TRAPPC9: variants seen among roughly 807,000 people sequenced by gnomAD.
TRAPPC9 encodes the protein trafficking protein particle complex subunit 9, also known as IKK2 binding protein.
A neutral mutation model predicts 124.0 loss-of-function variants in TRAPPC9; 83 were observed. That is an observed-to-expected ratio of 0.67 (90% CI 0.56 to 0.80). TRAPPC9 has a LOEUF of 0.80. TRAPPC9 is among the 30% of genes least tolerant of loss of function. The probability of loss-of-function intolerance (pLI) is 0.00; values close to 1 mark genes in which losing one functional copy is unlikely to be tolerated. For missense variants in TRAPPC9, 1,302 were observed against 1,508.3 expected (o/e 0.86, Z 2.27); for synonymous variants, 638 against 617.5 (o/e 1.03, Z -0.49).
At chr8:140,372,203 G>A (rs552925419) in intron 7 of TRAPPC9, among the ~76,000 whole-genome samples, 8 of 152,322 alleles carry the variant, frequency 5.3e-5, no homozygotes, top group South Asian at 2.1e-4. Flanking sequence ...ACTGCACAGC[G>A]CCTTCAGAGA....
intron 9 of TRAPPC9, among the ~76,000 whole-genome samples, chr8:140,329,015 G>A (rs138759375): frequency 6.6e-6 from 1 of 152,120 alleles, no homozygotes. Flanking sequence ...CTAAAGCACC[G>A]GAGGGTGGAG....
At position 139,910,257 on chromosome 8, in the gene TRAPPC9, C is replaced by A. The variant is rs766614772; in HGVS notation, c.2854G>T (p.Glu952Ter). ...AATTGCCCCTTCTCCCCAGGGGACT[C>A]CGGGAAACTCTCAAAGTTGAACTTG... is the stretch of plus-strand genomic sequence containing the variant. ...VDKFNFESFP[E>*]SPGEKGQFAN... Residue 952 changes from glutamate (E) to a stop codon, truncating the protein, a stop_gained, in exon 20 of 23, where the codon GAG becomes TAG. Coordinates refer to ENST00000438773, the MANE Select transcript of TRAPPC9 (RefSeq NM_001160372.4). LOFTEE classifies it high-confidence loss of function. The A allele has an allele frequency of 1.7e-5, 27 of 1,614,046 alleles. No individual in the cohort carries two copies. Among genetic ancestry groups the A allele is most frequent in the Non-Finnish European group, 2.1e-5 (25 of 1,180,042 alleles).
At chr8:140,452,119 T>C (rs1489892970) in intron 1 of TRAPPC9, among the ~76,000 whole-genome samples, 12 of 126,270 alleles carry the variant, frequency 9.5e-5, no homozygotes, top group African/African-American at 3.4e-4. Flanking sequence ...AGACTCCGTC[T>C]CAAAAAAAAA....
rs1177684427 is a variant in TRAPPC9, at chr8:140,241,520, C to A, written c.2431+11257G>T. Reference sequence around the variant, plus strand: ...GACTATCCTGGCCAACATGGTGAAACCCTGTCTCTACTAAAAATACAAAAA... The same window carrying A: ...GACTATCCTGGCCAACATGGTGAAAACCTGTCTCTACTAAAAATACAAAAA... On this transcript the variant is annotated intron_variant, in intron 16 of 22. Coordinates refer to ENST00000438773, the MANE Select transcript of TRAPPC9 (RefSeq NM_001160372.4). This position sits in a 1 kb window ranked among gnomAD's most constrained non-coding sequence, Gnocchi z 5.0. 6.6e-6 allele frequency among the ~76,000 whole-genome samples: 1 copy of A among 151,924 alleles called. No homozygotes were observed. Among genetic ancestry groups the A allele is most frequent in the East Asian group, 1.9e-4 (1 of 5,164 alleles).
Position 140,450,912 on chromosome 8 carries a change from T to G in TRAPPC9, c.462A>C (p.Ser154=). ...GCTTGGACTCCAGCACGATGAACAG[T>G]GACTCGATGAAGTCCTCGATTCTCT... The part of the protein sequence containing the change: ...VEKRIEDFIE[S]LFIVLESKRL... The change falls in exon 2 of 23, where the codon TCA becomes TCC. Residue 154 remains serine (S), a synonymous_variant. Coordinates refer to ENST00000438773, the MANE Select transcript of TRAPPC9 (RefSeq NM_001160372.4). 6.2e-7 allele frequency: 1 copy of G among 1,614,176 alleles called. No individual in the cohort carries two copies. The highest frequency in any genetic ancestry group is 8.5e-7 in the Non-Finnish European group (1 of 1,180,038).
At chr8:140,433,317 G>A (rs895933071) in intron 4 of TRAPPC9, among the ~76,000 whole-genome samples, 3 of 148,132 alleles carry the variant, frequency 2.0e-5, no homozygotes, top group East Asian at 2.0e-4. Flanking sequence ...GGCCAGGAGC[G>A]GTGGCTCACA....
At chr8:139,948,287 A>G (rs931595551) in intron 19 of TRAPPC9, among the ~76,000 whole-genome samples, 14 of 116,888 alleles carry the variant, frequency 1.2e-4, no homozygotes, top group Non-Finnish European at 2.6e-4. Context: ...ACACACACAC[A>G]CACACACACT....
chr8:140,156,805 G>T (rs1245557841), intron 17 of TRAPPC9, among the ~76,000 whole-genome samples: 1 of 152,222 alleles, frequency 6.6e-6, no homozygotes, highest in African/African-American at 2.4e-5. Context: ...CAGAGAAGAT[G>T]CTAAAATAAA....
chr8:139,982,306 C>A (rs775190880), intron 19 of TRAPPC9, among the ~76,000 whole-genome samples: 8 of 152,114 alleles, frequency 5.3e-5, no homozygotes, highest in Non-Finnish European at 8.8e-5. Context: ...GAAAGGCGGG[C>A]GGTGGAGAAC....
At chr8:140,222,037 A>T (rs895245919) in intron 16 of TRAPPC9, among the ~76,000 whole-genome samples, 8 of 152,126 alleles carry the variant, frequency 5.3e-5, no homozygotes, top group African/African-American at 1.9e-4. Flanking sequence ...CTTAAAAAGG[A>T]CAGCTCCTTA....
intron 17 of TRAPPC9, among the ~76,000 whole-genome samples, chr8:140,141,104 G>A (rs1432467071): frequency 6.6e-6 from 1 of 152,182 alleles, no homozygotes; most frequent in Non-Finnish European, 1.5e-5. Flanking sequence ...TTCCTCATGG[G>A]AGAGTTCATT....
intron 21 of TRAPPC9, among the ~76,000 whole-genome samples, chr8:139,756,570 C>T (rs1189033109): frequency 1.2e-4 from 17 of 136,778 alleles, no homozygotes; most frequent in Non-Finnish European, 2.0e-4. Context: ...GACAGCAGGT[C>T]GCAGGAGGAG....
chr8:140,135,441 ATAT>A (rs1444640081), intron 17 of TRAPPC9, among the ~76,000 whole-genome samples: 1 of 152,262 alleles, frequency 6.6e-6, no homozygotes, highest in Non-Finnish European at 1.5e-5. Flanking sequence ...ACACAATGGA[ATAT>A]TATTCAGCCA....
At position 140,300,499 on chromosome 8, in the gene TRAPPC9, T is replaced by G. The variant is rs1284402589; in HGVS notation, c.1738A>C (p.Asn580His). The G allele has an allele frequency of 6.2e-7, 1 of 1,614,176 alleles. No homozygotes were observed. Among genetic ancestry groups the G allele is most frequent in the South Asian group, 1.1e-5 (1 of 91,082 alleles). ...TTCTTGTTCCGCTCTTCTCCACGGTTGTGTGCGATAATTGGTGAATAGATG... is the reference window on the plus strand; with the variant it reads ...TTCTTGTTCCGCTCTTCTCCACGGTGGTGTGCGATAATTGGTGAATAGATG... ...PFIYSPIIAH[N>H]RGEERNKKID... The change falls in exon 11 of 23, where the codon AAC becomes CAC. Residue 580 changes from asparagine to histidine, a missense_variant. Around this residue, in one of 3 missense-constraint regions of TRAPPC9, gnomAD observed 657 missense variants for 811.2 expected, o/e 0.81. Coordinates refer to ENST00000438773, the MANE Select transcript of TRAPPC9 (RefSeq NM_001160372.4).
chr8:140,056,224 C>CACAGAGAGGCCCCATCTCT (rs1431326749), intron 17 of TRAPPC9, among the ~76,000 whole-genome samples: 3 of 151,394 alleles, frequency 2.0e-5, no homozygotes, highest in Non-Finnish European at 4.4e-5. Flanking sequence ...GCATGGGCAA[C>CACAGAGAGGCCCCATCTCT]ACAGAGAGGC....
intron 17 of TRAPPC9, among the ~76,000 whole-genome samples, chr8:140,114,148 A>C (rs1290403087): frequency 6.6e-6 from 1 of 152,068 alleles, no homozygotes; most frequent in Non-Finnish European, 1.5e-5. Flanking sequence ...TCTGCTTCCG[A>C]GCGGGGACTG....
intron 18 of TRAPPC9, among the ~76,000 whole-genome samples, chr8:140,006,697 T>C (rs967687817): frequency 6.6e-6 from 1 of 152,236 alleles, no homozygotes; most frequent in Non-Finnish European, 1.5e-5. Flanking sequence ...TGGTTGAATC[T>C]TGAAAACAAC....
chr8:139,738,879 T>C (rs181277830), intron 21 of TRAPPC9, among the ~76,000 whole-genome samples: 1 of 152,140 alleles, frequency 6.6e-6, no homozygotes, highest in Admixed American at 6.5e-5. Context: ...TGAGCCTCGG[T>C]TTCCTCATTT....
At chr8:140,332,487 A>G (rs1392606236) in intron 9 of TRAPPC9, among the ~76,000 whole-genome samples, 1 of 152,248 alleles carries the variant, frequency 6.6e-6, no homozygotes, top group Non-Finnish European at 1.5e-5. Flanking sequence ...TCCCAACACA[A>G]AGAAATGATA....
Sources: allele counts gnomAD v4.1 joint callset (sites outside exome capture counted in the v4.1 genomes callset), GRCh38; gene constraint gnomAD v4.1.1; regional missense constraint gnomAD v4.1.1; non-coding constraint Gnocchi (gnomAD v3.1); transcripts MANE v1.5; gene names NCBI Gene and HGNC (gene_info 2026-07-23, HGNC 2026-07-21).